SOCS7: variants seen among roughly 807,000 people sequenced by gnomAD.
SOCS7 encodes the protein NAP-4.
In SOCS7, 18 loss-of-function variants were observed where a neutral mutation model predicts 58.9. That is an observed-to-expected ratio of 0.31 (90% CI 0.21 to 0.45). The LOEUF is 0.45. Among genes scored for constraint, SOCS7 ranks in the 20% least tolerant of loss-of-function variants. The probability of loss-of-function intolerance (pLI) is 1.00; values close to 1 mark genes in which losing one functional copy is unlikely to be tolerated. For synonymous variants in SOCS7, 388 were observed against 364.3 expected (o/e 1.06, Z -0.74); for missense variants, 667 against 837.3 (o/e 0.80, Z 2.51).
At chr17:38,381,853 A>G (rs1337336243) in intron 7 of SOCS7, among the ~76,000 whole-genome samples, 1 of 140,856 alleles carries the variant, frequency 7.1e-6, no homozygotes, top group Non-Finnish European at 1.5e-5. Context: ...AGTCCTAGCT[A>G]TTTAGGAGGC....
chr17:38,365,568 G>A (rs899573221), intron 4 of SOCS7, 159 bp downstream of exon 4: 11 of 472,578 alleles, frequency 2.3e-5, no homozygotes, highest in African/African-American at 6.0e-5. Flanking sequence ...GAAATGAGGC[G>A]GAGAACTGGT....
At position 38,404,529 on chromosome 17, in the gene SOCS7, C is replaced by T. The variant is rs1322636027; in HGVS notation, c.*5047C>T. On this transcript the variant is annotated 3_prime_UTR_variant, in exon 10 of 10. Coordinates refer to ENST00000612932, the MANE Select transcript of SOCS7 (RefSeq NM_014598.4). ...TTCCCTTTCCCTCTCCTACCCCCTC[C>T]TCTGCAACACCAAGAGGCCTGGAGG... is the stretch of plus-strand genomic sequence containing the variant. 1 of 152,270 alleles carries T rather than the reference C, an allele frequency of 6.6e-6. No homozygotes were observed. The highest frequency in any genetic ancestry group is 2.4e-5 in the African/African-American group (1 of 41,456). 9.4% of individuals were successfully genotyped at this position (152,270 alleles called of 1,614,324 possible). A position where few individuals can be genotyped will look rare whatever the true frequency, so the allele number is the denominator to read the frequency against.
rs1231276053 is a variant in SOCS7 at position 38,352,858 on chromosome 17, C to T, written c.806C>T (p.Ser269Phe). ...CCCCTCCGGCCACTCGCGGGTCCTT[C>T]TCGGAAGGGCTCCTTCAAAATCCGC... is the stretch of plus-strand genomic sequence containing the variant. Reference protein sequence around the residue: ...PGPLRPLAGPSRKGSFKIRLS... With the variant: ...PGPLRPLAGPFRKGSFKIRLS... Residue 269 changes from serine (S) to phenylalanine (F), a missense_variant, in exon 1 of 10, where the codon TCT becomes TTT. Ser to Phe is a radical substitution (Grantham distance 155). Transcript: ENST00000612932. This position sits in a 1 kb window ranked among gnomAD's most constrained non-coding sequence, Gnocchi z 5.5. 6.3e-7 allele frequency: 1 copy of T among 1,587,368 alleles called. No homozygotes were observed. Among genetic ancestry groups the T allele is most frequent in the Non-Finnish European group, 8.6e-7 (1 of 1,167,420 alleles).
chr17:38,363,942 T>TA (rs1013839882), intron 2 of SOCS7, among the ~76,000 whole-genome samples: 3 of 152,148 alleles, frequency 2.0e-5, no homozygotes, highest in African/African-American at 7.2e-5. Flanking sequence ...ATTAATAAAA[T>TA]ACCTTTCATC....
At position 38,395,966 on chromosome 17, in the gene SOCS7, T is replaced by C; in HGVS notation, c.1936T>C (p.Ter646GlnextTer27). ...GAAGCAAGAGGTGGAACCCTCCACG[T>C]AGCGAGGGGCTCCCTGCTGGTCACC... Reference protein sequence around the residue: ...KQKQEVEPST* With the variant: ...KQKQEVEPSTQ The change falls in exon 9 of 10, where the codon TAG becomes CAG. Residue 646 changes from the stop codon to glutamine, a stop_lost. Transcript: ENST00000612932. 1 of 1,601,080 alleles carries C rather than the reference T, an allele frequency of 6.2e-7. No individual in the cohort carries two copies. Among genetic ancestry groups the C allele is most frequent in the Non-Finnish European group, 8.5e-7 (1 of 1,176,988 alleles).
chr17:38,382,220 A>G (rs1169717611), intron 7 of SOCS7, among the ~76,000 whole-genome samples: 1 of 151,814 alleles, frequency 6.6e-6, no homozygotes, highest in Non-Finnish European at 1.5e-5. Flanking sequence ...TTTGAGCCCA[A>G]GAGTTCTAAC....
intron 1 of SOCS7, among the ~76,000 whole-genome samples, chr17:38,355,312 C>G (rs958771250): frequency 6.6e-6 from 1 of 152,138 alleles, no homozygotes; most frequent in African/African-American, 2.4e-5. Context: ...GAAGAGAAAT[C>G]TAGATGGAAT....
rs1344459460 is a variant in SOCS7, at chr17:38,395,291, T to C, written c.1682-18T>C. ...CATTGTTTCCTCTGAATACTTTCCT[T>C]TGTTTTCTTTCTTGAAGGACTGCCA... On this transcript the variant is annotated intron_variant, in intron 7 of 9. Transcript: ENST00000612932. The C allele has an allele frequency of 6.2e-7, 1 of 1,612,970 alleles. No individual in the cohort carries two copies. Among genetic ancestry groups the C allele is most frequent in the East Asian group, 2.2e-5 (1 of 44,848 alleles).
chr17:38,395,532 C>T, intron 8 of SOCS7, 88 bp downstream of exon 8: 2 of 1,325,720 alleles, frequency 1.5e-6, no homozygotes, highest in East Asian at 2.3e-5. Flanking sequence ...AAGCTACCTT[C>T]ACAGGCAGAG....
intron 1 of SOCS7, among the ~76,000 whole-genome samples, chr17:38,354,768 T>C (rs981597963): frequency 1.5e-4 from 23 of 152,282 alleles, no homozygotes; most frequent in African/African-American, 4.8e-4. Context: ...GCTAATTTTC[T>C]TGTGGTTTGT....
At chr17:38,389,870 T>TATATATATGTACATATATATATGTAC (rs1567750830) in intron 7 of SOCS7, among the ~76,000 whole-genome samples, 1 of 95,334 alleles carries the variant, frequency 1.0e-5, no homozygotes, top group Admixed American at 1.1e-4. Context: ...TGTGTGTACA[T>TATATATATGTACATATATATATGTAC]ATATATATAT....
In SOCS7 at chr17:38,395,494, G is replaced by A. The variant is rs571873736; in HGVS notation, c.1817+50G>A. 47 of 1,583,454 alleles carry A rather than the reference G, an allele frequency of 3.0e-5. 1 individual carries two copies. The South Asian group carries it at 5.2e-4, about 17-fold the overall frequency. The stretch of plus-strand genomic sequence containing the variant: ...GACAGGAATGAGTAAGGGGGTTGTG[G>A]GGAGGTAACAATGTCAGTGAGGCCT... On this transcript the variant is annotated intron_variant, in intron 8 of 9. Coordinates refer to ENST00000612932, the MANE Select transcript of SOCS7 (RefSeq NM_014598.4).
chr17:38,359,742 T>TAC (rs2037690163), intron 1 of SOCS7, among the ~76,000 whole-genome samples: 1 of 148,590 alleles, frequency 6.7e-6, no homozygotes, highest in African/African-American at 2.5e-5. Context: ...TTTACTGTTA[T>TAC]ATATATATAT....
intron 4 of SOCS7, chr17:38,365,887 C>A: frequency 1.5e-6 from 1 of 661,376 alleles, no homozygotes; most frequent in Non-Finnish European, 1.9e-6. Flanking sequence ...GCATTCTTTT[C>A]TACTTGCCTG....
intron 7 of SOCS7, among the ~76,000 whole-genome samples, chr17:38,382,663 A>G (rs1224270252): frequency 1.3e-5 from 2 of 151,760 alleles, no homozygotes; most frequent in Non-Finnish European, 2.9e-5. Flanking sequence ...TAATTTTTGT[A>G]TTTTTAGTAG....
In SOCS7 at chr17:38,377,807, GA is replaced by G; in HGVS notation, c.1649del (p.Lys550SerfsTer6). ...AGAGCCATTATGCACTCCAAGAATG[GA>G]AAGTTTCTCTATTTCTTAAGATCCA... The part of the protein sequence containing the change: ...IKRAIMHSKN[G>X]KFLYFLRSRV... On this transcript the variant is annotated frameshift_variant, in exon 7 of 10. Coordinates refer to ENST00000612932, the MANE Select transcript of SOCS7 (RefSeq NM_014598.4). LOFTEE classifies it high-confidence loss of function. The G allele has an allele frequency of 6.2e-7, 1 of 1,613,622 alleles. No homozygotes were observed. Among genetic ancestry groups the G allele is most frequent in the Non-Finnish European group, 8.5e-7 (1 of 1,179,758 alleles).
chr17:38,378,112 T>C (rs1208317511), intron 7 of SOCS7, among the ~76,000 whole-genome samples: 2 of 152,188 alleles, frequency 1.3e-5, no homozygotes, highest in Admixed American at 6.6e-5. Context: ...ACATTTGACA[T>C]TTGGAGGTAT....
intron 7 of SOCS7, among the ~76,000 whole-genome samples, chr17:38,393,655 CTT>C (rs2038206699): frequency 6.7e-6 from 1 of 148,368 alleles, no homozygotes; most frequent in Non-Finnish European, 1.5e-5. Flanking sequence ...CAAACAAACA[CTT>C]TGGGAGGCTG....
Position 38,396,011 on chromosome 17 carries a change from T to G in SOCS7, c.*30+13T>G. On this transcript the variant is annotated intron_variant, in intron 9 of 9. Transcript: ENST00000612932. ...GTCACCACCAAGGGTATGAGCTCTC[T>G]GCCTCACTGCCCAGCCACATTTCTT... 6.4e-7 allele frequency: 1 copy of G among 1,554,198 alleles called. No individual in the cohort carries two copies. The highest frequency in any genetic ancestry group is 8.6e-7 in the Non-Finnish European group (1 of 1,160,108).
Sources: gnomAD v4.1 joint callset for allele counts (sites outside exome capture counted in the v4.1 genomes callset) on GRCh38, gnomAD v4.1.1 for gene constraint, Gnocchi (gnomAD v3.1) non-coding constraint, MANE v1.5 for transcripts, NCBI Gene and HGNC (gene_info 2026-07-23, HGNC 2026-07-21) for gene names.